The following ZBTB40 variants were observed in gnomAD, a reference collection of about 807,000 sequenced individuals.
ZBTB40 encodes zinc finger and BTB domain-containing protein 40.
In ZBTB40, 60 loss-of-function variants were observed where a neutral mutation model predicts 117.5. The observed-to-expected ratio is 0.51, with a 90% CI of 0.41 to 0.63. The LOEUF is 0.63. ZBTB40 is among the 30% of genes least tolerant of loss of function. The pLI is 0.00. For synonymous variants in ZBTB40, 525 were observed against 577.1 expected, an observed-to-expected ratio of 0.91 and a Z score of 1.29; for missense variants, 1,287 against 1,498.5, an observed-to-expected ratio of 0.86 and a Z score of 2.33.
intron 15 of ZBTB40, 99 bp from the exon 16 acceptor site, chr1:22,522,278 G>A (rs1037604992): frequency 8.3e-6 from 9 of 1,085,304 alleles, no homozygotes; most frequent in African/African-American, 1.5e-5. Flanking sequence ...TGCTTGCTAA[G>A]TATTGGCCAT....
intron 15 of ZBTB40, 55 bp from the exon 16 acceptor site, chr1:22,522,322 T>TG (rs1639548212): frequency 6.3e-7 from 1 of 1,581,554 alleles, no homozygotes; most frequent in Non-Finnish European, 8.7e-7. Context: ...TCTTCAGCCT[T>TG]GGAGAGCCAA....
upstream of ZBTB40, among the ~76,000 whole-genome samples, chr1:22,451,180 G>A (rs1203130043): frequency 6.6e-6 from 1 of 152,220 alleles, no homozygotes; most frequent in Admixed American, 6.5e-5. Flanking sequence ...AGCCCACTGC[G>A]CCCCACCAGC....
At chr1:22,499,001 C>T (rs1347512020) in intron 3 of ZBTB40, among the ~76,000 whole-genome samples, 1 of 152,178 alleles carries the variant, frequency 6.6e-6, no homozygotes, top group Non-Finnish European at 1.5e-5. Flanking sequence ...ACATTTATTC[C>T]CACAGTTCCT....
chr1:22,463,405 T>G (rs7532107), intron 1 of ZBTB40, among the ~76,000 whole-genome samples: 148,880 of 152,280 alleles, frequency 0.98, 72,876 homozygotes, highest in East Asian at 1. Context: ...TTATAATCAA[T>G]CTGATGAAAA....
At chr1:22,524,139 G>T in intron 16 of ZBTB40, 79 bp from the exon 17 acceptor site, 1 of 1,378,192 alleles carries the variant, frequency 7.3e-7, no homozygotes. Context: ...TTCCTCTCAT[G>T]TCTTCCTGCC....
chr1:22,519,363 A>G (rs1639461293), intron 13 of ZBTB40, among the ~76,000 whole-genome samples: 1 of 152,228 alleles, frequency 6.6e-6, no homozygotes, highest in Non-Finnish European at 1.5e-5. Flanking sequence ...CTCAGACAGC[A>G]TGGATTTGGG....
chr1:22,454,716 C>G (rs185225954), intron 1 of ZBTB40, among the ~76,000 whole-genome samples: 1 of 152,262 alleles, frequency 6.6e-6, no homozygotes, highest in East Asian at 1.9e-4. Context: ...ACTGAGAGAA[C>G]TGCACGCCCA....
rs551078764 is a variant in ZBTB40 at position 22,454,251 on chromosome 1, C to T, written c.-70+2247C>T. ...TATAGGCGTGAGCCATCGCGCCCGG[C>T]CTCGAACAAATATTTTAGTGTCTCC... On this transcript the variant is annotated intron_variant, in intron 1 of 17. Transcript: ENST00000375647. Among the ~76,000 whole-genome samples the T allele has an allele frequency of 6.1e-4, 93 of 152,338 alleles. 1 individual carries two copies. Among genetic ancestry groups the T allele is most frequent in the African/African-American group, 2.1e-3 (89 of 41,568 alleles).
chr1:22,431,276 C>CAATATTGTATATATTGAATATATAA (rs1640579598), intron 1 of ZBTB40, among the ~76,000 whole-genome samples: 1 of 143,696 alleles, frequency 7.0e-6, no homozygotes, highest in African/African-American at 2.5e-5. Context: ...TGAATATATA[C>CAATATTGTATATATTGAATATATAA]AATATTGTAT....
chr1:22,463,891 A>T (rs971844845), intron 1 of ZBTB40, among the ~76,000 whole-genome samples: 4 of 152,254 alleles, frequency 2.6e-5, no homozygotes, highest in African/African-American at 7.2e-5. Context: ...GGAAAAAGAA[A>T]TTAATTGAAA....
intron 5 of ZBTB40, 22 bp from the exon 6 acceptor site, chr1:22,506,027 G>C (rs149906983): frequency 1.9e-6 from 3 of 1,613,898 alleles, no homozygotes; most frequent in South Asian, 2.2e-5. Context: ...ACTGGTGTCT[G>C]GTTGATTGCT....
At position 22,522,769 on chromosome 1, in the gene ZBTB40, AT is replaced by A. The variant is rs762726688; in HGVS notation, c.3298+320del. On this transcript the variant is annotated intron_variant, in intron 16 of 17. Coordinates refer to ENST00000375647, the MANE Select transcript of ZBTB40 (RefSeq NM_014870.4). ...TCCAGTTATAAGATATACCATTTTT[AT>A]TTTTTTTTTTTTTGAGACAGAGTCT... Among the ~76,000 whole-genome samples, 901 of 124,676 alleles carry A rather than the reference AT, an allele frequency of 7.2e-3. 4 individuals are homozygous for A. The highest frequency in any genetic ancestry group is 9.2e-3 in the African/African-American group (343 of 37,278). 81.8% of individuals were successfully genotyped at this position (124,676 alleles called of 152,430 possible).
At chr1:22,506,306 C>T (rs1639075119) in intron 6 of ZBTB40, 65 bp downstream of exon 6, 10 of 1,514,196 alleles carry the variant, frequency 6.6e-6, no homozygotes, top group African/African-American at 1.4e-5. Context: ...GCTTGAAACA[C>T]CCTTTTGGCT....
chr1:22,429,258 T>TG (rs1640545050), intron 1 of ZBTB40, among the ~76,000 whole-genome samples: 1 of 151,932 alleles, frequency 6.6e-6, no homozygotes, highest in Non-Finnish European at 1.5e-5. Flanking sequence ...GGCGGGCGCC[T>TG]GTAGTCCCAG....
chr1:22,465,945 C>T (rs1641244607), intron 1 of ZBTB40, among the ~76,000 whole-genome samples: 1 of 152,208 alleles, frequency 6.6e-6, no homozygotes, highest in Non-Finnish European at 1.5e-5. Context: ...TCAGCTGCCA[C>T]CATTATAACC....
intron 1 of ZBTB40, among the ~76,000 whole-genome samples, chr1:22,467,183 A>AT (rs984165821): frequency 1.3e-5 from 2 of 151,850 alleles, no homozygotes; most frequent in African/African-American, 4.8e-5. Context: ...AAACATTAAC[A>AT]TTTTTTTTCC....
intron 13 of ZBTB40, among the ~76,000 whole-genome samples, chr1:22,518,395 C>T (rs1206822681): frequency 6.6e-6 from 1 of 152,178 alleles, no homozygotes; most frequent in Non-Finnish European, 1.5e-5. Flanking sequence ...ACATGTAAAG[C>T]ATGACACTCC....
chr1:22,521,089 C>G (rs758099977), intron 14 of ZBTB40, among the ~76,000 whole-genome samples: 2 of 152,246 alleles, frequency 1.3e-5, no homozygotes, highest in Non-Finnish European at 2.9e-5. Flanking sequence ...CCGTGAGATG[C>G]AGCTCACTGG....
rs749489149 is a variant in ZBTB40, at chr1:22,526,425, G to A, written c.*29G>A. 6.2e-7 allele frequency: 1 copy of A among 1,612,776 alleles called. No individual in the cohort carries two copies. Among genetic ancestry groups the A allele is most frequent in the African/African-American group, 1.3e-5 (1 of 74,910 alleles). Reference sequence around the variant, plus strand: ...GCCTTTCATCCGGCAGAGCCTTCCTGCGTTTGCAGCAGAGAGGAGGCCCCA... The same window carrying A: ...GCCTTTCATCCGGCAGAGCCTTCCTACGTTTGCAGCAGAGAGGAGGCCCCA... On this transcript the variant is annotated 3_prime_UTR_variant, in exon 18 of 18. Coordinates refer to ENST00000375647, the MANE Select transcript of ZBTB40 (RefSeq NM_014870.4).
Sources: allele counts gnomAD v4.1 joint callset (sites outside exome capture counted in the v4.1 genomes callset), GRCh38; gene constraint gnomAD v4.1.1; transcripts MANE v1.5; gene names NCBI Gene and HGNC (gene_info 2026-07-23, HGNC 2026-07-21).